Variants in KDM2B observed in about 807,000 individuals in gnomAD.
The protein encoded by KDM2B is lysine-specific demethylase 2B.
A neutral mutation model predicts 150.0 loss-of-function variants in KDM2B; 26 were observed. That is an observed-to-expected ratio of 0.17 (90% CI 0.13 to 0.24). KDM2B has a LOEUF of 0.24. Ranked by LOEUF, KDM2B falls within the 10% of genes least tolerant of loss-of-function variation. The probability of loss-of-function intolerance (pLI) is 1.00; values close to 1 mark genes in which losing one functional copy is unlikely to be tolerated. For missense variants in KDM2B, 1,265 were observed against 1,816.9 expected, an observed-to-expected ratio of 0.70 and a Z score of 5.52; for synonymous variants, 734 against 729.5, an observed-to-expected ratio of 1.01 and a Z score of -0.10.
chr12:121,453,950 C>G lies in KDM2B; in HGVS notation c.1735-606G>C, dbSNP rs934153827. ...GGACCCTGCCCACCTTTCCCACCTC[C>G]GTCTGCTCCCCAAGAAAGACCGCAA... is the stretch of plus-strand genomic sequence containing the variant. On this transcript the variant is annotated intron_variant, in intron 12 of 22. Transcript: ENST00000377071. The surrounding 1 kb of genome is among the most constrained non-coding windows in gnomAD (Gnocchi z 6.4). 1.3e-5 allele frequency among the ~76,000 whole-genome samples: 2 copies of G among 152,196 alleles called. No homozygotes were observed. Among genetic ancestry groups the G allele is most frequent in the African/African-American group, 4.8e-5 (2 of 41,454 alleles).
At position 121,444,048 on chromosome 12, in the gene KDM2B, T is replaced by A; in HGVS notation, c.2415A>T (p.Lys805Asn). The A allele has an allele frequency of 6.2e-7, 1 of 1,613,594 alleles. No homozygotes were observed. Among genetic ancestry groups the A allele is most frequent in the Non-Finnish European group, 8.5e-7 (1 of 1,179,714 alleles). Residue 805 changes from lysine (K) to asparagine (N), a missense_variant, in exon 16 of 23, where the codon AAA (lysine) becomes AAT (asparagine). Lys to Asn is a moderately conservative substitution (Grantham distance 94). Around this residue, in one of 11 missense-constraint regions of KDM2B, gnomAD observed 418 missense variants for 402.4 expected, o/e 1.04. Coordinates refer to ENST00000377071, the MANE Select transcript of KDM2B (RefSeq NM_032590.5). ...SDDVHLRKKR[K>N]YEKPQELSGR... ...CACTCAGCTCCTGGGGCTTCTCGTA[T>A]TTCCGCTTCTTCCTCAGGTGCACGT...
intron 12 of KDM2B, among the ~76,000 whole-genome samples, chr12:121,465,384 C>T (rs1254948628): frequency 6.6e-6 from 1 of 152,180 alleles, no homozygotes; most frequent in Non-Finnish European, 1.5e-5. Context: ...AAGGCACCGG[C>T]CACCACGCCG....
chr12:121,521,133 G>A lies in KDM2B; in HGVS notation c.932-33C>T, dbSNP rs782357916. On this transcript the variant is annotated intron_variant, in intron 8 of 22. Transcript: ENST00000377071. The surrounding 1 kb of genome is among the most constrained non-coding windows in gnomAD (Gnocchi z 4.9). ...GGGAAGGGCAAGGAGAGGATGAGCC[G>A]CTGGCCCCTGTGGGCTCCCACACCT... The A allele has an allele frequency of 1.3e-5, 20 of 1,490,500 alleles. No homozygotes were observed. The highest frequency in any genetic ancestry group is 2.3e-5 in the East Asian group (1 of 44,048). The allele number at this position is 1,490,500 out of a possible 1,614,324, so 92.3% of individuals were successfully genotyped here.
At chr12:121,423,632 T>C in the KDM2B span, 1 of 1,451,406 alleles carries the variant, frequency 6.9e-7, no homozygotes, top group Non-Finnish European at 9.5e-7. This position sits in a 1 kb window ranked among gnomAD's most constrained non-coding sequence, Gnocchi z 4.3. Context: ...AACATTTCAA[T>C]GCACAGAAGG....
chr12:121,571,755 A>G (rs2136475972), intron 4 of KDM2B, among the ~76,000 whole-genome samples: 1 of 149,704 alleles, frequency 6.7e-6, no homozygotes, highest in African/African-American at 2.5e-5. Context: ...GGTTCAAGAG[A>G]TTCTCCTGCC....
At chr12:121,431,498 C>CT (rs1873014326) in intron 22 of KDM2B, among the ~76,000 whole-genome samples, 1 of 151,984 alleles carries the variant, frequency 6.6e-6, no homozygotes, top group African/African-American at 2.4e-5. Context: ...AGTATCAACA[C>CT]TTTCATTTCT....
At chr12:121,414,137 GACAA>G in the KDM2B span, among the ~76,000 whole-genome samples, 1 of 152,158 alleles carries the variant, frequency 6.6e-6, no homozygotes. Flanking sequence ...GAGCTTGCTG[GACAA>G]ACAGTCCAGC....
Position 121,558,556 on chromosome 12 carries a change from C to T in KDM2B, c.398-8918G>A, listed in dbSNP as rs552056613. Among the ~76,000 whole-genome samples the T allele has an allele frequency of 3.9e-4, 59 of 150,952 alleles. No homozygotes were observed. In the East Asian group the frequency reaches 6.1e-3, roughly 15 times the overall value. Reference sequence around the variant, plus strand: ...GCAGCCTCCGCCTCTTGGGTTCAAGCGATTTTCCTGCCTCAGCCTCCCAAG... The same window carrying T: ...GCAGCCTCCGCCTCTTGGGTTCAAGTGATTTTCCTGCCTCAGCCTCCCAAG... On this transcript the variant is annotated intron_variant, in intron 4 of 22. Coordinates refer to ENST00000377071, the MANE Select transcript of KDM2B (RefSeq NM_032590.5).
chr12:121,481,953 G>T (rs1882203032), intron 12 of KDM2B, among the ~76,000 whole-genome samples: 1 of 151,790 alleles, frequency 6.6e-6, no homozygotes, highest in Non-Finnish European at 1.5e-5. Flanking sequence ...TAATTTTTTA[G>T]TATTTTTAGT....
intron 21 of KDM2B, 41 bp downstream of exon 21, chr12:121,440,775 C>T (rs1874883354): frequency 6.4e-7 from 1 of 1,563,812 alleles, no homozygotes; most frequent in Non-Finnish European, 8.7e-7. Flanking sequence ...GTCTAGCTCG[C>T]TCACCCCACC....
intron 4 of KDM2B, among the ~76,000 whole-genome samples, chr12:121,572,354 C>T (rs1001697849): frequency 2.0e-5 from 3 of 152,204 alleles, no homozygotes; most frequent in Admixed American, 6.5e-5. Flanking sequence ...ACCTGGGAGG[C>T]CCTCACATCC....
chr12:121,465,297 G>A (rs558527792), intron 12 of KDM2B, among the ~76,000 whole-genome samples: 116 of 152,172 alleles, frequency 7.6e-4, no homozygotes, highest in African/African-American at 2.6e-3. Context: ...GCACGATCTC[G>A]GCTCATTGCA....
chr12:121,511,310 A>T (rs1348269968), intron 10 of KDM2B, among the ~76,000 whole-genome samples: 1 of 133,260 alleles, frequency 7.5e-6, no homozygotes, highest in Non-Finnish European at 1.5e-5. Flanking sequence ...TTTTTGAGAC[A>T]GAGTCTCACT....
At chr12:121,477,498 C>T (rs1350938567) in intron 12 of KDM2B, among the ~76,000 whole-genome samples, 1 of 152,028 alleles carries the variant, frequency 6.6e-6, no homozygotes, top group East Asian at 1.9e-4. Context: ...ATCCTCCCTC[C>T]TTAGCCTCCT....
chr12:121,440,270 C>A (rs2137944897), intron 21 of KDM2B, 195 bp from the exon 22 acceptor site: 2 of 597,978 alleles, frequency 3.3e-6, no homozygotes, highest in South Asian at 4.0e-5. Context: ...TTTTCAGATT[C>A]TCTTGAAAAA....
chr12:121,465,881 T>G (rs186848352), intron 12 of KDM2B, among the ~76,000 whole-genome samples: 5 of 152,294 alleles, frequency 3.3e-5, no homozygotes, highest in Admixed American at 3.3e-4. Flanking sequence ...GAACAAGACT[T>G]TGAGAGCCAT....
In KDM2B at chr12:121,437,577, A is replaced by G. The variant is rs997852907; in HGVS notation, c.3829+2280T>C. 3.3e-5 allele frequency among the ~76,000 whole-genome samples: 5 copies of G among 152,344 alleles called. No individual in the cohort carries two copies. In the East Asian group the frequency reaches 9.6e-4, roughly 29 times the overall value. ...TAGGCTTGCTATTTTGAAATAGCAG[A>G]GGTAAACACTGGAAGAAAGAATTCA... On this transcript the variant is annotated intron_variant, in intron 22 of 22. Coordinates refer to ENST00000377071, the MANE Select transcript of KDM2B (RefSeq NM_032590.5).
intron 6 of KDM2B, chr12:121,534,799 C>T (rs1456746201): frequency 1.9e-5 from 10 of 535,868 alleles, no homozygotes; most frequent in East Asian, 3.2e-5. Context: ...AAGCACTGGT[C>T]GCCTACCTAC....
Position 121,580,921 on chromosome 12 carries a change from G to A in KDM2B, c.-10C>T. 1 of 1,612,566 alleles carries A rather than the reference G, an allele frequency of 6.2e-7. No homozygotes were observed. The highest frequency in any genetic ancestry group is 8.5e-7 in the Non-Finnish European group (1 of 1,179,512). On this transcript the variant is annotated 5_prime_UTR_variant, in exon 1 of 23. Transcript: ENST00000377071. ...TTTGCGGACCCGCCATGTGGAGGAG[G>A]CATTTGGGGGGCTCAGAAGGAAATT...
Sources: gnomAD v4.1 joint callset for allele counts (sites outside exome capture counted in the v4.1 genomes callset) on GRCh38, gnomAD v4.1.1 for gene constraint, gnomAD v4.1.1 regional missense constraint, Gnocchi (gnomAD v3.1) non-coding constraint, MANE v1.5 for transcripts, NCBI Gene and HGNC (gene_info 2026-07-23, HGNC 2026-07-21) for gene names.